STK32C: variants seen among roughly 807,000 people sequenced by gnomAD.
STK32C encodes serine/threonine-protein kinase 32C.
STK32C carries 31 observed loss-of-function variants against 56.5 expected under a neutral mutation model. The observed-to-expected ratio is 0.55, with a 90% CI of 0.41 to 0.74. The LOEUF is 0.74. STK32C is among the 30% of genes least tolerant of loss of function. The pLI, the probability that STK32C is intolerant of heterozygous loss-of-function variation, is 0.00. For missense variants in STK32C, 544 were observed against 676.9 expected (o/e 0.80, Z 2.18); for synonymous variants, 309 against 289.4 (o/e 1.07, Z -0.69).
chr10:132,313,573 G>T (rs777903035), intron 1 of STK32C, among the ~76,000 whole-genome samples: 2 of 152,252 alleles, frequency 1.3e-5, no homozygotes, highest in African/African-American at 2.4e-5. Flanking sequence ...TGCCAGTCCT[G>T]ACAGAGCATG....
chr10:132,272,401 C>T (rs1383072578), intron 1 of STK32C, among the ~76,000 whole-genome samples: 1 of 152,166 alleles, frequency 6.6e-6, no homozygotes, highest in African/African-American at 2.4e-5. Flanking sequence ...ACGAACAACC[C>T]GAGCAAATGA....
chr10:132,326,966 G>T (rs1055649915), intron 1 of STK32C, among the ~76,000 whole-genome samples: 3 of 152,180 alleles, frequency 2.0e-5, no homozygotes, highest in Admixed American at 1.3e-4. Flanking sequence ...CACAATAAGG[G>T]ATTACATAAA....
At chr10:132,212,331 T>C (rs1360233872) in intron 10 of STK32C, among the ~76,000 whole-genome samples, 1 of 152,204 alleles carries the variant, frequency 6.6e-6, no homozygotes, top group East Asian at 1.9e-4. Context: ...AAGAATCCTC[T>C]CTTCAGCAAA....
chr10:132,235,756 C>T lies in STK32C; in HGVS notation c.319-7628G>A, dbSNP rs117857626. On this transcript the variant is annotated intron_variant, in intron 2 of 11. Transcript: ENST00000298630. ...ACCCACCTCACTGCACAGACTCATC[C>T]AGATCCTGATTGAGAGAAACCATCA... Among the ~76,000 whole-genome samples the T allele has an allele frequency of 3.8e-4, 58 of 152,214 alleles. No homozygotes were observed. In the East Asian group the frequency reaches 0.011, roughly 29 times the overall value.
At chr10:132,302,337 A>C (rs539733094) in intron 1 of STK32C, among the ~76,000 whole-genome samples, 40 of 152,374 alleles carry the variant, frequency 2.6e-4, no homozygotes, top group Middle Eastern at 6.8e-3. Flanking sequence ...AGACACGCAG[A>C]GCTGACATTT....
intron 1 of STK32C, among the ~76,000 whole-genome samples, chr10:132,325,059 T>C (rs1228837333): frequency 2.0e-5 from 3 of 152,186 alleles, no homozygotes; most frequent in Non-Finnish European, 4.4e-5. Context: ...GTCTCATTGG[T>C]GGCTACTGTT....
intron 2 of STK32C, among the ~76,000 whole-genome samples, chr10:132,239,405 CCAAA>C (rs991789630): frequency 2.0e-5 from 3 of 152,234 alleles, no homozygotes; most frequent in Non-Finnish European, 2.9e-5. Flanking sequence ...CAGCAAAAAC[CCAAA>C]CAAAGCCTGT....
intron 1 of STK32C, among the ~76,000 whole-genome samples, chr10:132,263,362 C>T (rs1410189814): frequency 6.6e-6 from 1 of 152,064 alleles, no homozygotes; most frequent in Non-Finnish European, 1.5e-5. Context: ...TACCACATGT[C>T]CTCATGTGTA....
In STK32C at chr10:132,264,498, A is replaced by C. The variant is rs1590317639; in HGVS notation, c.263-18543T>G. ...ACAGAGCTTTGTGCTGCACCCCAGC[A>C]CTGCTGGCACATCCTGCTGGACAGA... On this transcript the variant is annotated intron_variant, in intron 1 of 11. Transcript: ENST00000298630. Among the ~76,000 whole-genome samples the C allele has an allele frequency of 2.0e-5, 3 of 152,190 alleles. No homozygotes were observed. The East Asian group carries it at 5.8e-4, about 29-fold the overall frequency.
chr10:132,282,800 G>T (rs2065255705), intron 1 of STK32C, among the ~76,000 whole-genome samples: 1 of 152,262 alleles, frequency 6.6e-6, no homozygotes. Context: ...CCGGCCAGAA[G>T]TGACTGCTGC....
At chr10:132,303,546 G>C (rs1268923808) in intron 1 of STK32C, among the ~76,000 whole-genome samples, 1 of 152,196 alleles carries the variant, frequency 6.6e-6, no homozygotes, top group African/African-American at 2.4e-5. Context: ...CTGTGTACCA[G>C]GAAGGGCGAG....
chr10:132,226,064 C>T (rs2062878541), intron 4 of STK32C, among the ~76,000 whole-genome samples: 1 of 152,230 alleles, frequency 6.6e-6, no homozygotes, highest in African/African-American at 2.4e-5. Flanking sequence ...AGGACGAGAG[C>T]AATTGCTGGC....
At chr10:132,276,618 G>GAA (rs35343457) in intron 1 of STK32C, among the ~76,000 whole-genome samples, 20,988 of 148,224 alleles carry the variant, frequency 0.14, 2,524 homozygotes, top group African/African-American at 0.33. Flanking sequence ...CCCCATCTCT[G>GAA]AAAAAAAAAA....
chr10:132,278,001 C>T (rs2065039407), intron 1 of STK32C, among the ~76,000 whole-genome samples: 1 of 152,174 alleles, frequency 6.6e-6, no homozygotes, highest in Admixed American at 6.5e-5. Context: ...AGCAAGGCTT[C>T]GGAGTTCCTC....
chr10:132,212,887 C>T lies in STK32C; in HGVS notation c.1252-3786G>A, dbSNP rs11146254. 9.2e-3 allele frequency among the ~76,000 whole-genome samples: 1,401 copies of T among 152,346 alleles called. 25 individuals carry two copies. Among genetic ancestry groups the T allele is most frequent in the African/African-American group, 0.032 (1,328 of 41,572 alleles). ...GCGGCGACCCCCAAGTCTGGAGAGA[C>T]AGGTGAGCAAAGTCACAGCTGAGAC... On this transcript the variant is annotated intron_variant, in intron 10 of 11. Transcript: ENST00000298630.
chr10:132,332,027 C>T (rs1221293587), upstream of STK32C: 2 of 374,184 alleles, frequency 5.3e-6, no homozygotes, highest in Non-Finnish European at 9.5e-6. Context: ...GCACCCACAC[C>T]CCGCCCCCGC....
chr10:132,216,764 C>T (rs1449897760), intron 10 of STK32C, among the ~76,000 whole-genome samples: 1 of 152,244 alleles, frequency 6.6e-6, no homozygotes, highest in African/African-American at 2.4e-5. Flanking sequence ...CAGGCTGTGG[C>T]TTCAGAGGGT....
intron 1 of STK32C, among the ~76,000 whole-genome samples, chr10:132,305,227 G>A (rs952657888): frequency 3.3e-5 from 5 of 152,202 alleles, no homozygotes; most frequent in South Asian, 2.1e-4. Flanking sequence ...TGACAAAGAC[G>A]TGCAGAGAAT....
intron 10 of STK32C, among the ~76,000 whole-genome samples, chr10:132,218,314 G>T (rs1053477283): frequency 2.6e-5 from 4 of 151,588 alleles, no homozygotes; most frequent in African/African-American, 9.7e-5. Flanking sequence ...GCAAGACCCT[G>T]TCTCTAAAAA....
Sources: gnomAD v4.1 joint callset for allele counts (sites outside exome capture counted in the v4.1 genomes callset) on GRCh38, gnomAD v4.1.1 for gene constraint, MANE v1.5 for transcripts, NCBI Gene and HGNC (gene_info 2026-07-23, HGNC 2026-07-21) for gene names.